Variants in CELSR1 observed in about 807,000 individuals in gnomAD.
CELSR1 encodes adhesion G protein-coupled receptor C1.
CELSR1 carries 110 observed loss-of-function variants against 249.1 expected under a neutral mutation model. The observed-to-expected ratio is 0.44, with a 90% CI of 0.38 to 0.52. The LOEUF (loss-of-function observed/expected upper bound fraction) is 0.52. Ranked by LOEUF, CELSR1 falls within the 20% of genes least tolerant of loss-of-function variation. CELSR1 has a pLI of 0.00. For synonymous variants in CELSR1, 2,113 were observed against 1,900.0 expected (o/e 1.11, Z -2.92); for missense variants, 4,109 against 4,296.4 (o/e 0.96, Z 1.22).
chr22:46,457,409 C>T (rs1319271621), intron 2 of CELSR1, among the ~76,000 whole-genome samples: 3 of 152,102 alleles, frequency 2.0e-5, no homozygotes, highest in Non-Finnish European at 1.5e-5. Flanking sequence ...CAAGAATAAA[C>T]TCAACCCTAA....
In CELSR1 at chr22:46,365,239, G is replaced by A; in HGVS notation, c.8546C>T (p.Thr2849Ile). 6.2e-7 allele frequency: 1 copy of A among 1,611,828 alleles called. No homozygotes were observed. The highest frequency in any genetic ancestry group is 1.3e-5 in the African/African-American group (1 of 75,066). ...WDPARGAVHS[T>I]PKGDAVANHV... ...GTGCCCCACACACTCACCTTTGGGG[G>A]TGCTGTGGACGGCGCCCCTGGCCGG... Residue 2849 changes from threonine (T) to isoleucine (I), a missense_variant, in exon 32 of 35, where the codon ACC becomes ATC. Thr to Ile is a moderately conservative substitution (Grantham distance 89, BLOSUM62 -1). This residue lies in a region of CELSR1 where 1,805 missense variants were observed against 1,831.6 expected (regional missense o/e 0.99). Coordinates refer to ENST00000674500, the MANE Select transcript of CELSR1 (RefSeq NM_001378328.1).
chr22:46,364,623 C>T lies in CELSR1; in HGVS notation c.8668G>A (p.Val2890Met), dbSNP rs371493557. 6.7e-5 allele frequency: 108 copies of T among 1,612,728 alleles called. 1 individual carries two copies. In the South Asian group the frequency reaches 6.8e-4, roughly 10 times the overall value. ...PRLKVETKVS[V>M]ELHREEQGSH... ...CCCTGCTCCTCGCGGTGCAGCTCCA[C>T]GCTGACCTTGGTCTCCACCTTCAGG... is the stretch of plus-strand genomic sequence containing the variant. The change falls in exon 33 of 35, where the codon GTG becomes ATG. Residue 2890 changes from valine to methionine, a missense_variant. By Grantham distance (21) the Val-to-Met change is conservative. Around this residue, in one of 7 missense-constraint regions of CELSR1, gnomAD observed 1,805 missense variants for 1,831.6 expected, o/e 0.99. Coordinates refer to ENST00000674500, the MANE Select transcript of CELSR1 (RefSeq NM_001378328.1).
rs1324815599 is a variant in CELSR1 at position 46,406,245 on chromosome 22, C to A, written c.5226+2751G>T. 6.6e-6 allele frequency among the ~76,000 whole-genome samples: 1 copy of A among 152,246 alleles called. No homozygotes were observed. Among genetic ancestry groups the A allele is most frequent in the African/African-American group, 2.4e-5 (1 of 41,464 alleles). ...CAGAAAATACCATCCCCAGGCAGCA[C>A]CGCACTTGCCAAGTTTTGGCCTGGA... is the stretch of plus-strand genomic sequence containing the variant. On this transcript the variant is annotated intron_variant, in intron 9 of 34. Transcript: ENST00000674500. The surrounding 1 kb of genome is among the most constrained non-coding windows in gnomAD (Gnocchi z 5.4).
chr22:46,455,235 T>C (rs1006253544), intron 2 of CELSR1, among the ~76,000 whole-genome samples: 4 of 152,108 alleles, frequency 2.6e-5, no homozygotes, highest in African/African-American at 4.8e-5. Context: ...GACTTTTTTC[T>C]CTTTTTCTTT....
Position 46,417,537 on chromosome 22 carries a change from C to T in CELSR1, c.4612-5778G>A, listed in dbSNP as rs1006820504. 2.6e-5 allele frequency among the ~76,000 whole-genome samples: 4 copies of T among 152,162 alleles called. No individual in the cohort carries two copies. The highest frequency in any genetic ancestry group is 7.2e-5 in the African/African-American group (3 of 41,422). ...GGTATTCCCCCAGGGCTGTCAGCAG[C>T]AAACCGTCTGGAAGCCCAACTGAGC... On this transcript the variant is annotated intron_variant, in intron 5 of 34. Transcript: ENST00000674500. This position sits in a 1 kb window ranked among gnomAD's most constrained non-coding sequence, Gnocchi z 4.1.
In CELSR1 at chr22:46,398,576, C is replaced by G. The variant is rs1160907307; in HGVS notation, c.5474G>C (p.Gly1825Ala). The G allele has an allele frequency of 1.2e-6, 2 of 1,613,832 alleles. No individual in the cohort carries two copies. The highest frequency in any genetic ancestry group is 2.7e-5 in the African/African-American group (2 of 75,012). ...GLTVRSVVVG[G>A]ASEDKVSVRR... ...CACGGAGACCTTGTCTTCAGAGGCGCCTCCGACCACCACGCTCCTTACCGT... is the reference window on the plus strand; with the variant it reads ...CACGGAGACCTTGTCTTCAGAGGCGGCTCCGACCACCACGCTCCTTACCGT... Residue 1825 changes from glycine to alanine, a missense_variant, in exon 11 of 35, where the codon GGC becomes GCC. Gly to Ala is a moderately conservative substitution (Grantham distance 60). Around this residue, in one of 7 missense-constraint regions of CELSR1, gnomAD observed 1,805 missense variants for 1,831.6 expected, o/e 0.99. Transcript: ENST00000674500. This position sits in a 1 kb window ranked among gnomAD's most constrained non-coding sequence, Gnocchi z 7.2.
In CELSR1 at chr22:46,365,610, G is replaced by A; in HGVS notation, c.8380C>T (p.Pro2794Ser). 6.3e-7 allele frequency: 1 copy of A among 1,593,900 alleles called. No individual in the cohort carries two copies. Among genetic ancestry groups the A allele is most frequent in the Non-Finnish European group, 8.5e-7 (1 of 1,170,908 alleles). ...SHGEPDASLM[P>S]RSCKDPPGHD... is the part of the protein sequence containing the mutation. ...CCAGGGGGATCCTTGCAGCTCCTGG[G>A]CATGAGGGACGCGTCTGGCTCTCCG... is the stretch of plus-strand genomic sequence containing the variant. The change falls in exon 31 of 35, where the codon CCC becomes TCC. Residue 2794 changes from proline (P) to serine (S), a missense_variant. This residue lies in a region of CELSR1 where 1,805 missense variants were observed against 1,831.6 expected (regional missense o/e 0.99). Transcript: ENST00000674500.
intron 2 of CELSR1, among the ~76,000 whole-genome samples, chr22:46,453,461 C>T (rs1052018949): frequency 1.1e-4 from 17 of 152,310 alleles, no homozygotes; most frequent in African/African-American, 3.9e-4. Flanking sequence ...TTGGGGGTCA[C>T]GAACTGCCCT....
At chr22:46,425,002 T>TA (rs1485704675) in intron 5 of CELSR1, among the ~76,000 whole-genome samples, 1 of 152,226 alleles carries the variant, frequency 6.6e-6, no homozygotes, top group Non-Finnish European at 1.5e-5. Context: ...CACAATGTCA[T>TA]ACAAACGGAA....
chr22:46,435,331 G>C (rs2079646909), intron 4 of CELSR1, among the ~76,000 whole-genome samples: 1 of 146,978 alleles, frequency 6.8e-6, no homozygotes, highest in Non-Finnish European at 1.5e-5. Context: ...ACCCAGGCTG[G>C]AGTGCAATGG....
rs2080297734 is a variant in CELSR1, at chr22:46,484,706, A to G, written c.3545-20361T>C. On this transcript the variant is annotated intron_variant, in intron 1 of 34. Coordinates refer to ENST00000674500, the MANE Select transcript of CELSR1 (RefSeq NM_001378328.1). The surrounding 1 kb of genome is among the most constrained non-coding windows in gnomAD (Gnocchi z 4.5). ...TGTGGCCATCAGAGATGCTGGAGTG[A>G]GCGCTCACAGGGACCCCGCCCAGGT... Among the ~76,000 whole-genome samples the G allele has an allele frequency of 7.3e-6, 1 of 136,700 alleles. No homozygotes were observed. Among genetic ancestry groups the G allele is most frequent in the Non-Finnish European group, 1.6e-5 (1 of 63,708 alleles). 89.7% of individuals were successfully genotyped at this position (136,700 alleles called of 152,430 possible). A position where few individuals can be genotyped will look rare whatever the true frequency, so the allele number is the denominator to read the frequency against.
Position 46,515,963 on chromosome 22 carries a change from A to G in CELSR1, c.3544+17664T>C, listed in dbSNP as rs139037644. Among the ~76,000 whole-genome samples the G allele has an allele frequency of 4.9e-3, 739 of 152,348 alleles. 5 individuals are homozygous for G. Among genetic ancestry groups the G allele is most frequent in the African/African-American group, 0.015 (635 of 41,576 alleles). On this transcript the variant is annotated intron_variant, in intron 1 of 34. Coordinates refer to ENST00000674500, the MANE Select transcript of CELSR1 (RefSeq NM_001378328.1). ...ATTAAAAAGTCAGGAAACAACAGGT[A>G]CTGGAGAGAATGTGGAGAAACAGGA...
chr22:46,369,061 C>T, intron 27 of CELSR1, 118 bp downstream of exon 27: 1 of 915,052 alleles, frequency 1.1e-6, no homozygotes, highest in Non-Finnish European at 1.7e-6. Flanking sequence ...CCAGGCTGCC[C>T]CCAGCCCTCC....
chr22:46,480,717 C>T (rs2080257781), intron 1 of CELSR1, among the ~76,000 whole-genome samples: 1 of 152,162 alleles, frequency 6.6e-6, no homozygotes, highest in African/African-American at 2.4e-5. Context: ...GCCTTGGGGG[C>T]TCTGGCTTGT....
Position 46,518,903 on chromosome 22 carries a change from C to T in CELSR1, c.3544+14724G>A, listed in dbSNP as rs2080656411. Among the ~76,000 whole-genome samples, 2 of 152,124 alleles carry T rather than the reference C, an allele frequency of 1.3e-5. No individual in the cohort carries two copies. The highest frequency in any genetic ancestry group is 2.9e-5 in the Non-Finnish European group (2 of 68,014). ...CAAAAATTAGCTGGACGTGGTGGCG[C>T]ATGCCTGTAATCCCAGCTACTCGGG... On this transcript the variant is annotated intron_variant, in intron 1 of 34. Coordinates refer to ENST00000674500, the MANE Select transcript of CELSR1 (RefSeq NM_001378328.1). The surrounding 1 kb of genome is among the most constrained non-coding windows in gnomAD (Gnocchi z 5.2).
rs901150221 is a variant in CELSR1, at chr22:46,383,006, A to T, written c.6884-956T>A. Among the ~76,000 whole-genome samples the T allele has an allele frequency of 5.3e-5, 8 of 152,302 alleles. No homozygotes were observed. The South Asian group carries it at 1.5e-3, about 28-fold the overall frequency. ...TGCAGTTTGGATGTGTGGCCCCTCC[A>T]AATCTCATGTTGAAATGTGATCAGG... is the stretch of plus-strand genomic sequence containing the variant. On this transcript the variant is annotated intron_variant, in intron 20 of 34. Transcript: ENST00000674500.
intron 1 of CELSR1, among the ~76,000 whole-genome samples, chr22:46,496,752 T>C (rs937939470): frequency 1.3e-5 from 2 of 152,260 alleles, no homozygotes; most frequent in South Asian, 4.1e-4. Context: ...TCGGGAAGTC[T>C]TCAGAGGCAG....
In CELSR1 at chr22:46,472,032, C is replaced by T. The variant is rs570275440; in HGVS notation, c.3545-7687G>A. On this transcript the variant is annotated intron_variant, in intron 1 of 34. Coordinates refer to ENST00000674500, the MANE Select transcript of CELSR1 (RefSeq NM_001378328.1). The surrounding 1 kb of genome is among the most constrained non-coding windows in gnomAD (Gnocchi z 7.0). The stretch of plus-strand genomic sequence containing the variant: ...GGCACCCACCCAGCACTCTCTCTGC[C>T]CGTGCTCCAGGCATTCCTCCCAGGC... 7.1e-4 allele frequency among the ~76,000 whole-genome samples: 108 copies of T among 152,266 alleles called. No individual in the cohort carries two copies. Among genetic ancestry groups the T allele is most frequent in the African/African-American group, 2.5e-3 (102 of 41,552 alleles).
rs973929143 is a variant in CELSR1 at position 46,464,130 on chromosome 22, T to C, written c.3760A>G (p.Ser1254Gly). The change falls in exon 2 of 35, where the codon AGC becomes GGC. Residue 1254 changes from serine to glycine, a missense_variant. By Grantham distance (56) the Ser-to-Gly change is moderately conservative (BLOSUM62 0). This residue lies in a region of CELSR1 where 141 missense variants were observed against 209.4 expected (regional missense o/e 0.67). Coordinates refer to ENST00000674500, the MANE Select transcript of CELSR1 (RefSeq NM_001378328.1). The surrounding 1 kb of genome is among the most constrained non-coding windows in gnomAD (Gnocchi z 8.5). ...VFNVQNDTDV[S>G]SNILNVTFSA... ...AAGGTCACGTTCAGGATGTTGGAGC[T>C]GACGTCGGTGTCGTTCTGGACGTTG... 6.2e-7 allele frequency: 1 copy of C among 1,613,732 alleles called. No individual in the cohort carries two copies. Among genetic ancestry groups the C allele is most frequent in the African/African-American group, 1.3e-5 (1 of 74,944 alleles).
Sources: allele counts gnomAD v4.1 joint callset (sites outside exome capture counted in the v4.1 genomes callset), GRCh38; gene constraint gnomAD v4.1.1; regional missense constraint gnomAD v4.1.1; non-coding constraint Gnocchi (gnomAD v3.1); transcripts MANE v1.5; gene names NCBI Gene and HGNC (gene_info 2026-07-23, HGNC 2026-07-21).